PCSK5: variants seen among roughly 807,000 people sequenced by gnomAD.
The protein encoded by PCSK5 is prohormone convertase 5.
PCSK5 carries 129 observed loss-of-function variants against 233.2 expected under a neutral mutation model. That is an observed-to-expected ratio of 0.55 (90% CI 0.48 to 0.64). PCSK5 has a LOEUF of 0.64. PCSK5 is among the 30% of genes least tolerant of loss of function. The pLI is 0.00. For synonymous variants in PCSK5, 825 were observed against 879.2 expected (o/e 0.94, Z 1.09); for missense variants, 2,076 against 2,430.1 (o/e 0.85, Z 3.06).
At chr9:75,959,105 G>C (rs1485796391) in intron 2 of PCSK5, among the ~76,000 whole-genome samples, 1 of 152,202 alleles carries the variant, frequency 6.6e-6, no homozygotes, top group East Asian at 1.9e-4. Context: ...AAGAAAGTTT[G>C]CTCATGACAG....
rs550518074 is a variant in PCSK5, at chr9:75,994,400, C to CTTTTTTTTTTTTTTTTTTTTT, written c.411+8177_411+8197dup. Among the ~76,000 whole-genome samples the CTTTTTTTTTTTTTTTTTTTTT allele has an allele frequency of 2.2e-4, 18 of 82,036 alleles. 1 individual carries two copies. Among genetic ancestry groups the CTTTTTTTTTTTTTTTTTTTTT allele is most frequent in the Non-Finnish European group, 2.8e-4 (13 of 46,888 alleles). 53.8% of individuals were successfully genotyped at this position (82,036 alleles called of 152,430 possible). A position where few individuals can be genotyped will look rare whatever the true frequency, so the allele number is the denominator to read the frequency against. On this transcript the variant is annotated intron_variant, in intron 3 of 37. Coordinates refer to ENST00000674117, the MANE Select transcript of PCSK5 (RefSeq NM_001372043.1). ...GTTTCTTTCTTTTCTTTCTTTCTTTCTTTTTTTTTTTTTTTTTTTTTTTTT... is the reference window on the plus strand; with the variant it reads ...GTTTCTTTCTTTTCTTTCTTTCTTTCTTTTTTTTTTTTTTTTTTTTTTTTTTTTTTTTTTTTTTTTTTTTTT...
intron 1 of PCSK5, among the ~76,000 whole-genome samples, chr9:75,931,006 T>C (rs1587378381): frequency 6.6e-6 from 1 of 152,182 alleles, no homozygotes; most frequent in East Asian, 1.9e-4. Context: ...ATTCCCCGCT[T>C]GTTTTCAGAG....
At chr9:76,302,547 C>G (rs1351549411) in intron 28 of PCSK5, among the ~76,000 whole-genome samples, 1 of 152,164 alleles carries the variant, frequency 6.6e-6, no homozygotes, top group Non-Finnish European at 1.5e-5. Flanking sequence ...AGCACCTCTG[C>G]CTTCCCAGTC....
intron 14 of PCSK5, 65 bp from the exon 15 acceptor site, chr9:76,179,531 T>G: frequency 8.7e-7 from 1 of 1,148,590 alleles, no homozygotes; most frequent in Non-Finnish European, 1.3e-6. Context: ...TATACCAAAT[T>G]CAAGGTAAAG....
intron 24 of PCSK5, among the ~76,000 whole-genome samples, chr9:76,261,445 T>G (rs1827172217): frequency 6.6e-6 from 1 of 152,128 alleles, no homozygotes; most frequent in South Asian, 2.1e-4. Flanking sequence ...AAAATCAATG[T>G]ACAAAAATCA....
At position 76,219,306 on chromosome 9, in the gene PCSK5, T is replaced by A. The variant is rs534817503; in HGVS notation, c.2627-8197T>A. 1.1e-3 allele frequency among the ~76,000 whole-genome samples: 169 copies of A among 152,218 alleles called. 1 individual carries two copies. The highest frequency in any genetic ancestry group is 2.0e-3 in the Non-Finnish European group (137 of 68,010). ...AAGAGGGTAATTTGAGGATGTTCCT[T>A]CCCATGGGGCAATGGAGCAGAGAAA... On this transcript the variant is annotated intron_variant, in intron 20 of 37. Transcript: ENST00000674117.
chr9:75,946,061 A>G (rs1274066317), intron 2 of PCSK5, among the ~76,000 whole-genome samples: 2 of 152,368 alleles, frequency 1.3e-5, no homozygotes, highest in East Asian at 1.9e-4. Flanking sequence ...TGGTATTCCC[A>G]TGGCCTGGAA....
At chr9:76,003,549 A>G (rs1040459357) in intron 3 of PCSK5, among the ~76,000 whole-genome samples, 9 of 152,362 alleles carry the variant, frequency 5.9e-5, no homozygotes, top group Middle Eastern at 3.4e-3. Flanking sequence ...TTATACACAC[A>G]TGGAATGTTT....
chr9:76,262,357 C>G (rs9777110), intron 24 of PCSK5, among the ~76,000 whole-genome samples: 5,477 of 150,916 alleles, frequency 0.036, 151 homozygotes, highest in African/African-American at 0.077. Context: ...GGAGGCATCA[C>G]GCTACCTGAC....
intron 20 of PCSK5, among the ~76,000 whole-genome samples, chr9:76,215,342 G>A (rs1486622267): frequency 6.6e-6 from 1 of 152,218 alleles, no homozygotes; most frequent in South Asian, 2.1e-4. Context: ...TGAGTCACCA[G>A]CTCTGCCTGA....
intron 10 of PCSK5, among the ~76,000 whole-genome samples, chr9:76,148,416 T>G (rs1587687799): frequency 6.6e-6 from 1 of 151,476 alleles, no homozygotes; most frequent in South Asian, 2.1e-4. Flanking sequence ...ACTGCTTTTC[T>G]TTCACATATC....
chr9:75,897,253 CT>C (rs1166538562), intron 1 of PCSK5, among the ~76,000 whole-genome samples: 1 of 151,984 alleles, frequency 6.6e-6, no homozygotes, highest in African/African-American at 2.4e-5. Context: ...TTTCCAGATT[CT>C]TGTGATTGTC....
At position 76,111,626 on chromosome 9, in the gene PCSK5, A is replaced by G. The variant is rs77323314; in HGVS notation, c.1208+4275A>G. Among the ~76,000 whole-genome samples, 165 of 152,272 alleles carry G rather than the reference A, an allele frequency of 1.1e-3. 3 individuals carry two copies. In the East Asian group the frequency reaches 0.029, roughly 27 times the overall value. The stretch of plus-strand genomic sequence containing the variant: ...ACTTTCTGGTGTTTCAGCTAAATGA[A>G]TAGGGAACATGTAACCAGTGATTAT... On this transcript the variant is annotated intron_variant, in intron 9 of 37. Coordinates refer to ENST00000674117, the MANE Select transcript of PCSK5 (RefSeq NM_001372043.1).
chr9:76,322,606 G>A (rs1829239828), intron 31 of PCSK5, among the ~76,000 whole-genome samples: 1 of 152,164 alleles, frequency 6.6e-6, no homozygotes, highest in Non-Finnish European at 1.5e-5. Flanking sequence ...GATCAATCCT[G>A]TATTCATTGT....
At chr9:76,032,671 C>T (rs1348003073) in intron 5 of PCSK5, among the ~76,000 whole-genome samples, 1 of 152,130 alleles carries the variant, frequency 6.6e-6, no homozygotes, top group Non-Finnish European at 1.5e-5. Flanking sequence ...ATTAGCTTGC[C>T]AAATAAAGCT....
At chr9:76,199,562 A>G (rs1824836665) in intron 20 of PCSK5, among the ~76,000 whole-genome samples, 1 of 152,080 alleles carries the variant, frequency 6.6e-6, no homozygotes, top group Non-Finnish European at 1.5e-5. Context: ...CCCTCTAGGG[A>G]ACAGAAAAGA....
At chr9:75,909,730 A>G (rs1345069029) in intron 1 of PCSK5, among the ~76,000 whole-genome samples, 2 of 152,220 alleles carry the variant, frequency 1.3e-5, no homozygotes, top group African/African-American at 4.8e-5. Context: ...ATTTTCTAAA[A>G]TGGATAAATG....
At chr9:76,297,563 TAG>T (rs1828480341) in intron 27 of PCSK5, among the ~76,000 whole-genome samples, 1 of 152,160 alleles carries the variant, frequency 6.6e-6, no homozygotes, top group Admixed American at 6.5e-5. Flanking sequence ...GCGTCAGTTA[TAG>T]GCTTCCTTGC....
chr9:76,146,135 G>A (rs1238165702), intron 10 of PCSK5, among the ~76,000 whole-genome samples: 3 of 151,862 alleles, frequency 2.0e-5, no homozygotes, highest in Admixed American at 2.0e-4. Flanking sequence ...ACATGTCCCA[G>A]TAATGGCTTC....
Sources: allele counts gnomAD v4.1 joint callset (sites outside exome capture counted in the v4.1 genomes callset), GRCh38; gene constraint gnomAD v4.1.1; transcripts MANE v1.5; gene names NCBI Gene and HGNC (gene_info 2026-07-23, HGNC 2026-07-21).